ZNF573: variants seen among roughly 807,000 people sequenced by gnomAD.
ZNF573 encodes the protein zinc finger protein 573.
Under a neutral mutation model 57.4 loss-of-function variants are expected in ZNF573, and 41 were observed. That is an observed-to-expected ratio of 0.71 (90% CI 0.56 to 0.93). The LOEUF is 0.93. Among genes scored for constraint, ZNF573 ranks in the 40% least tolerant of loss-of-function variants. The probability of loss-of-function intolerance (pLI) is 0.00; values close to 1 mark genes in which losing one functional copy is unlikely to be tolerated. For missense variants in ZNF573, 730 were observed against 794.8 expected (o/e 0.92, Z 0.98); for synonymous variants, 249 against 261.0 (o/e 0.95, Z 0.44).
At chr19:37,760,909 A>T (rs2145311555) in intron 4 of ZNF573, among the ~76,000 whole-genome samples, 1 of 150,382 alleles carries the variant, frequency 6.6e-6, no homozygotes, top group Non-Finnish European at 1.5e-5. Context: ...AAAGATGTGT[A>T]CAAGCAGGCC....
At chr19:37,760,144 G>A (rs2045537430) in intron 4 of ZNF573, among the ~76,000 whole-genome samples, 2 of 152,204 alleles carry the variant, frequency 1.3e-5, no homozygotes, top group South Asian at 4.1e-4. Context: ...AGTTCAATGA[G>A]TTAAGAGGGC....
At chr19:37,762,022 T>G (rs2045557975) in intron 4 of ZNF573, among the ~76,000 whole-genome samples, 1 of 152,214 alleles carries the variant, frequency 6.6e-6, no homozygotes, top group Admixed American at 6.5e-5. Flanking sequence ...AGGCACAAAT[T>G]CTTATTTCAC....
intron 4 of ZNF573, among the ~76,000 whole-genome samples, chr19:37,749,336 A>G (rs1320431128): frequency 6.6e-6 from 1 of 151,916 alleles, no homozygotes; most frequent in African/African-American, 2.4e-5. Context: ...TATTTTTAAA[A>G]TATTCTCCCT....
chr19:37,765,419 A>G (rs948998591), intron 4 of ZNF573, among the ~76,000 whole-genome samples: 6 of 152,136 alleles, frequency 3.9e-5, no homozygotes, highest in Non-Finnish European at 8.8e-5. Context: ...GCAATAAAAT[A>G]ACCGTCTAAA....
At position 37,739,722 on chromosome 19, in the gene ZNF573, A is replaced by C. The variant is rs531426517; in HGVS notation, c.768T>G (p.Ser256Arg). ...GATGAATTCTAAGATGTCCACCTTG[A>C]CTAAAGGCCCTCCCACACTCCTGAC... The part of the protein sequence containing the change: ...YECQECGRAF[S>R]QGGHLRIHQR... Residue 256 changes from serine (S) to arginine (R), a missense_variant, in exon 5 of 5, where the codon AGT (serine) becomes AGG (arginine). Coordinates refer to ENST00000536220, the MANE Select transcript of ZNF573 (RefSeq NM_001172690.2). The C allele has an allele frequency of 6.2e-7, 1 of 1,613,758 alleles. No individual in the cohort carries two copies. Among genetic ancestry groups the C allele is most frequent in the South Asian group, 1.1e-5 (1 of 91,022 alleles).
chr19:37,771,821 A>T (rs1244136800), intron 2 of ZNF573, 125 bp from the exon 3 acceptor site: 1 of 933,324 alleles, frequency 1.1e-6, no homozygotes, highest in Non-Finnish European at 1.5e-6. Context: ...AGCAGACTAA[A>T]GCAACGTGTC....
intron 4 of ZNF573, among the ~76,000 whole-genome samples, chr19:37,759,403 A>G (rs2045528908): frequency 6.6e-6 from 1 of 152,200 alleles, no homozygotes; most frequent in South Asian, 2.1e-4. Flanking sequence ...AGGGTTTTTA[A>G]AAACTATCAT....
rs1333420598 is a variant in ZNF573, at chr19:37,739,732, C to T, written c.758G>A (p.Arg253Lys). 6.2e-7 allele frequency: 1 copy of T among 1,613,632 alleles called. No homozygotes were observed. Among genetic ancestry groups the T allele is most frequent in the Non-Finnish European group, 8.5e-7 (1 of 1,179,860 alleles). ...GKPYECQECGRAFSQGGHLRI... is the reference protein window; with the variant it reads ...GKPYECQECGKAFSQGGHLRI... Reference sequence around the variant, plus strand: ...AAGATGTCCACCTTGACTAAAGGCCCTCCCACACTCCTGACATTCATACGG... The same window carrying T: ...AAGATGTCCACCTTGACTAAAGGCCTTCCCACACTCCTGACATTCATACGG... Residue 253 changes from arginine to lysine, a missense_variant, in exon 5 of 5, where the codon AGG becomes AAG. Physicochemically the swap from Arg to Lys is conservative, Grantham distance 26. Transcript: ENST00000536220.
chr19:37,750,633 A>T (rs900305670), intron 4 of ZNF573, among the ~76,000 whole-genome samples: 5 of 152,118 alleles, frequency 3.3e-5, no homozygotes, highest in Non-Finnish European at 7.4e-5. Context: ...GAAAAATTTT[A>T]GCAATTGTAT....
rs773209036 is a variant in ZNF573 at position 37,763,837 on chromosome 19, G to A, written c.295+6168C>T. On this transcript the variant is annotated intron_variant, in intron 4 of 4. Transcript: ENST00000536220. Reference sequence around the variant, plus strand: ...CCAACACTTTGGGAGGCCAAGGTGGGCAGGTCACCTGAGTTTGGGAGTTCA... The same window carrying A: ...CCAACACTTTGGGAGGCCAAGGTGGACAGGTCACCTGAGTTTGGGAGTTCA... 8.5e-5 allele frequency among the ~76,000 whole-genome samples: 13 copies of A among 152,138 alleles called. 1 individual carries two copies. The highest frequency in any genetic ancestry group is 1.5e-4 in the Non-Finnish European group (10 of 68,036).
chr19:37,739,361 G>GT lies in ZNF573; in HGVS notation c.1128_1129insA (p.Gln377ThrfsTer7). 6.2e-7 allele frequency: 1 copy of GT among 1,614,040 alleles called. No homozygotes were observed. The highest frequency in any genetic ancestry group is 8.5e-7 in the Non-Finnish European group (1 of 1,180,004). On this transcript the variant is annotated frameshift_variant, in exon 5 of 5. Coordinates refer to ENST00000536220, the MANE Select transcript of ZNF573 (RefSeq NM_001172690.2). LOFTEE classifies it high-confidence loss of function. ...AGTTTCTCACCAGTATGAATATTCT[G>GT]ATGCCGAGTAAGATTTCTATACAAA...
At chr19:37,741,332 A>G (rs1001141949) in intron 4 of ZNF573, among the ~76,000 whole-genome samples, 1 of 152,132 alleles carries the variant, frequency 6.6e-6, no homozygotes, top group Non-Finnish European at 1.5e-5. Context: ...TAGCCCAATC[A>G]TAGTTCACTG....
intron 1 of ZNF573, among the ~76,000 whole-genome samples, chr19:37,778,820 A>T (rs2045736535): frequency 6.6e-6 from 1 of 152,014 alleles, no homozygotes; most frequent in Non-Finnish European, 1.5e-5. Context: ...CTGTTCACAC[A>T]CTTTAACACA....
At position 37,738,503 on chromosome 19, in the gene ZNF573, T is replaced by G. The variant is rs763831215; in HGVS notation, c.1987A>C (p.Ile663Leu). ...LKAHQRIHRSIKV is the reference protein window; with the variant it reads ...LKAHQRIHRSLKV ...TACTCTTTACGGTCTTACACTTTTA[T>G]GCTCCTATGAATTCTCTGATGGGCT... is the stretch of plus-strand genomic sequence containing the variant. The change falls in exon 5 of 5, where the codon ATA becomes CTA. Residue 663 changes from isoleucine (I) to leucine (L), a missense_variant. Coordinates refer to ENST00000536220, the MANE Select transcript of ZNF573 (RefSeq NM_001172690.2). 6.5e-7 allele frequency: 1 copy of G among 1,532,476 alleles called. No individual in the cohort carries two copies. The highest frequency in any genetic ancestry group is 2.2e-5 in the Admixed American group (1 of 45,546). 94.9% of individuals were successfully genotyped at this position (1,532,476 alleles called of 1,614,324 possible).
chr19:37,770,335 C>G (rs538646651), intron 3 of ZNF573: 3 of 378,124 alleles, frequency 7.9e-6, no homozygotes, highest in Admixed American at 4.4e-5. Context: ...AATATTACCA[C>G]CCCAAAGTAG....
chr19:37,740,234 A>G (rs2045314788), intron 4 of ZNF573, 40 bp from the exon 5 acceptor site: 1 of 1,501,792 alleles, frequency 6.7e-7, no homozygotes, highest in Non-Finnish European at 8.9e-7. Context: ...TTGTATTTCT[A>G]TACCAGAGAA....
chr19:37,765,308 G>T (rs749900648), intron 4 of ZNF573, among the ~76,000 whole-genome samples: 4 of 152,186 alleles, frequency 2.6e-5, no homozygotes, highest in Non-Finnish European at 5.9e-5. Context: ...CCCACTAAAA[G>T]AACCCAATAG....
intron 1 of ZNF573, among the ~76,000 whole-genome samples, chr19:37,777,124 T>C (rs1229753694): frequency 6.6e-6 from 1 of 152,148 alleles, no homozygotes; most frequent in Non-Finnish European, 1.5e-5. Flanking sequence ...GATCCAGCAA[T>C]CCCACTAATG....
chr19:37,762,865 T>C lies in ZNF573; in HGVS notation c.295+7140A>G, dbSNP rs536811678. Among the ~76,000 whole-genome samples, 16 of 151,252 alleles carry C rather than the reference T, an allele frequency of 1.1e-4. No homozygotes were observed. In the South Asian group the frequency reaches 3.4e-3, roughly 32 times the overall value. On this transcript the variant is annotated intron_variant, in intron 4 of 4. Transcript: ENST00000536220. Reference sequence around the variant, plus strand: ...CGGCTCACTGCAACCTCCGACTCCCTGGTTCAAGTGATTCTCCTGCCTCAG... The same window carrying C: ...CGGCTCACTGCAACCTCCGACTCCCCGGTTCAAGTGATTCTCCTGCCTCAG...
Sources: gnomAD v4.1 joint callset for allele counts (sites outside exome capture counted in the v4.1 genomes callset) on GRCh38, gnomAD v4.1.1 for gene constraint, MANE v1.5 for transcripts, NCBI Gene and HGNC (gene_info 2026-07-23, HGNC 2026-07-21) for gene names.